CDKAL1: variants seen among roughly 807,000 people sequenced by gnomAD.
The protein encoded by CDKAL1 is threonylcarbamoyladenosine tRNA methylthiotransferase.
In CDKAL1, 32 loss-of-function variants were observed where a neutral mutation model predicts 68.2. That is an observed-to-expected ratio of 0.47 (90% confidence interval 0.35 to 0.63). The LOEUF is 0.63. Ranked by LOEUF, CDKAL1 falls within the 30% of genes least tolerant of loss-of-function variation. CDKAL1 has a pLI of 0.00. For missense variants in CDKAL1, 606 were observed against 696.7 expected (o/e 0.87, Z 1.47); for synonymous variants, 234 against 244.3 (o/e 0.96, Z 0.39).
At chr6:21,155,277 A>T (rs1240674890) in intron 13 of CDKAL1, among the ~76,000 whole-genome samples, 2 of 151,666 alleles carry the variant, frequency 1.3e-5, no homozygotes, top group African/African-American at 4.9e-5. Flanking sequence ...GAATTATATT[A>T]TGTGTCATCA....
intron 9 of CDKAL1, among the ~76,000 whole-genome samples, chr6:20,919,396 T>G (rs1762851365): frequency 6.6e-6 from 1 of 152,204 alleles, no homozygotes; most frequent in Non-Finnish European, 1.5e-5. Context: ...TTTCTTTTGT[T>G]TAATACTTAA....
chr6:21,046,116 T>C (rs1770214541), intron 11 of CDKAL1, among the ~76,000 whole-genome samples: 1 of 152,224 alleles, frequency 6.6e-6, no homozygotes, highest in Non-Finnish European at 1.5e-5. Context: ...CTGATTACTC[T>C]GAGGATTAAA....
intron 8 of CDKAL1, among the ~76,000 whole-genome samples, chr6:20,796,457 G>T (rs879927625): frequency 6.6e-6 from 1 of 152,162 alleles, no homozygotes; most frequent in Admixed American, 6.5e-5. Context: ...ATTCCAGTAA[G>T]ATTTTTCTTG....
In CDKAL1 at chr6:20,694,751, T is replaced by C. The variant is rs144527615; in HGVS notation, c.372-44768T>C. On this transcript the variant is annotated intron_variant, in intron 5 of 15. Transcript: ENST00000274695. ...CTGCTGTTGTTTGAATATTTGATTC[T>C]CCAAACCTCATGTTGAAATTTGGTT... Among the ~76,000 whole-genome samples, 9 of 152,326 alleles carry C rather than the reference T, an allele frequency of 5.9e-5. No homozygotes were observed. The East Asian group carries it at 1.5e-3, about 26-fold the overall frequency.
At chr6:21,009,614 T>C (rs1183080306) in intron 11 of CDKAL1, among the ~76,000 whole-genome samples, 3 of 152,188 alleles carry the variant, frequency 2.0e-5, no homozygotes, top group Non-Finnish European at 4.4e-5. Context: ...TAAATGTCCA[T>C]CATCAGATGA....
In CDKAL1 at chr6:21,047,612, C is replaced by G. The variant is rs138171150; in HGVS notation, c.1056-17436C>G. Among the ~76,000 whole-genome samples, 14 of 152,270 alleles carry G rather than the reference C, an allele frequency of 9.2e-5. No individual in the cohort carries two copies. The East Asian group carries it at 2.7e-3, about 29-fold the overall frequency. ...GCCTCAACTGTCTATGTGGCTGTTG[C>G]CTCATTACTACAGAGTGTAGGAATG... is the stretch of plus-strand genomic sequence containing the variant. On this transcript the variant is annotated intron_variant, in intron 11 of 15. Transcript: ENST00000274695.
At chr6:21,147,575 G>A (rs1443650614) in intron 13 of CDKAL1, among the ~76,000 whole-genome samples, 4 of 152,152 alleles carry the variant, frequency 2.6e-5, no homozygotes. Flanking sequence ...TTAGTGCCCT[G>A]CAACCAAGAC....
At chr6:21,076,926 C>T (rs984462295) in intron 12 of CDKAL1, among the ~76,000 whole-genome samples, 2 of 152,062 alleles carry the variant, frequency 1.3e-5, no homozygotes, top group African/African-American at 2.4e-5. Context: ...TTCAGCAGAT[C>T]ATTTAACAGA....
chr6:20,798,251 G>A (rs374963297), intron 8 of CDKAL1, among the ~76,000 whole-genome samples: 2 of 152,052 alleles, frequency 1.3e-5, no homozygotes, highest in South Asian at 4.2e-4. Flanking sequence ...TAGCACAAGG[G>A]AATGTTCTAG....
At chr6:20,871,970 C>G (rs1291034550) in intron 9 of CDKAL1, among the ~76,000 whole-genome samples, 1 of 152,050 alleles carries the variant, frequency 6.6e-6, no homozygotes, top group Non-Finnish European at 1.5e-5. Context: ...ACTAATTTGG[C>G]CCAATCTTGA....
At chr6:21,059,953 A>G (rs115176955) in intron 11 of CDKAL1, among the ~76,000 whole-genome samples, 2 of 151,826 alleles carry the variant, frequency 1.3e-5, no homozygotes, top group Admixed American at 6.6e-5. Flanking sequence ...TCATTATTCT[A>G]TTCTGTCTGC....
intron 5 of CDKAL1, among the ~76,000 whole-genome samples, chr6:20,672,111 T>G (rs1234312088): frequency 1.3e-5 from 2 of 152,104 alleles, no homozygotes; most frequent in African/African-American, 4.8e-5. Context: ...GGGCTAGTCC[T>G]TTCTTGTAGT....
At chr6:21,109,440 A>G (rs1274482524) in intron 13 of CDKAL1, among the ~76,000 whole-genome samples, 2 of 152,226 alleles carry the variant, frequency 1.3e-5, no homozygotes, top group Non-Finnish European at 2.9e-5. Context: ...AAATTGTGCC[A>G]GTTCATAGAA....
At chr6:21,207,489 T>C (rs1002763187) in intron 15 of CDKAL1, among the ~76,000 whole-genome samples, 1 of 152,102 alleles carries the variant, frequency 6.6e-6, no homozygotes, top group East Asian at 1.9e-4. Context: ...CAGCCCAGCC[T>C]GGGTGAAAGA....
chr6:20,563,453 A>G lies in CDKAL1; in HGVS notation c.286+14748A>G, dbSNP rs565250363. The stretch of plus-strand genomic sequence containing the variant: ...ATTTCCATTTGTAACGGCTTTTTAT[A>G]TTGTGGTGTAAAATCATGTGCAAGC... On this transcript the variant is annotated intron_variant, in intron 4 of 15. Transcript: ENST00000274695. Among the ~76,000 whole-genome samples the G allele has an allele frequency of 3.3e-5, 5 of 152,262 alleles. No individual in the cohort carries two copies. In the South Asian group the frequency reaches 6.2e-4, roughly 19 times the overall value.
At chr6:20,566,732 C>A (rs2127673332) in intron 4 of CDKAL1, among the ~76,000 whole-genome samples, 1 of 152,082 alleles carries the variant, frequency 6.6e-6, no homozygotes, top group African/African-American at 2.4e-5. Flanking sequence ...TTTTCTGTTC[C>A]CTAAACCTTG....
rs188364340 is a variant in CDKAL1, at chr6:20,942,911, C to T, written c.743-12508C>T. Among the ~76,000 whole-genome samples the T allele has an allele frequency of 4.0e-3, 585 of 145,736 alleles. 5 individuals carry two copies. The highest frequency in any genetic ancestry group is 0.014 in the African/African-American group (557 of 39,602). ...CAGAGGTTGCAATGAGTGGAGATCA[C>T]GCCACTGCACTCCAGCCTGGTGACA... On this transcript the variant is annotated intron_variant, in intron 9 of 15. Transcript: ENST00000274695.
intron 9 of CDKAL1, among the ~76,000 whole-genome samples, chr6:20,895,193 A>G (rs67014511): frequency 6.6e-6 from 1 of 152,058 alleles, no homozygotes; most frequent in Non-Finnish European, 1.5e-5. Flanking sequence ...ATTTGTCCAT[A>G]TATCTGTTTT....
chr6:21,225,422 G>C (rs556639430), intron 15 of CDKAL1, among the ~76,000 whole-genome samples: 1 of 152,236 alleles, frequency 6.6e-6, no homozygotes, highest in South Asian at 2.1e-4. Flanking sequence ...AAGGCAGGAC[G>C]CTGTCATCTC....
Sources: allele counts gnomAD v4.1 joint callset (sites outside exome capture counted in the v4.1 genomes callset), GRCh38; gene constraint gnomAD v4.1.1; transcripts MANE v1.5; gene names NCBI Gene and HGNC (gene_info 2026-07-23, HGNC 2026-07-21).